The following FAM174A variants were observed in gnomAD, a reference collection of about 807,000 sequenced individuals.
The protein encoded by FAM174A is membrane protein FAM174A.
FAM174A carries 14 observed loss-of-function variants against 14.3 expected under a neutral mutation model. The observed-to-expected ratio is 0.98, with a 90% CI of 0.65 to 1.53. FAM174A has a LOEUF of 1.53. Ranked by LOEUF, FAM174A falls within the 40% of genes most tolerant of loss-of-function variation. FAM174A has a pLI of 0.00. For synonymous variants in FAM174A, 108 were observed against 111.4 expected (o/e 0.97, Z 0.19); for missense variants, 241 against 249.6 (o/e 0.97, Z 0.23).
intron 1 of FAM174A, among the ~76,000 whole-genome samples, chr5:100,555,689 G>A (rs1219294579): frequency 6.6e-6 from 1 of 152,158 alleles, no homozygotes; most frequent in African/African-American, 2.4e-5. Context: ...GTGATGGTGA[G>A]CATTTTTTCA....
chr5:100,558,293 G>T (rs1318261131), intron 1 of FAM174A, among the ~76,000 whole-genome samples: 3 of 152,264 alleles, frequency 2.0e-5, no homozygotes, highest in South Asian at 4.1e-4. Flanking sequence ...TTGCACTGTG[G>T]TCTGAGATAC....
intron 2 of FAM174A, among the ~76,000 whole-genome samples, chr5:100,576,105 A>T (rs1206272878): frequency 6.6e-6 from 1 of 152,162 alleles, no homozygotes; most frequent in Non-Finnish European, 1.5e-5. Context: ...GTGTTTTTTA[A>T]TGTGGCCTTA....
intron 1 of FAM174A, among the ~76,000 whole-genome samples, chr5:100,545,845 T>C (rs1397889458): frequency 6.6e-6 from 1 of 152,212 alleles, no homozygotes; most frequent in African/African-American, 2.4e-5. Flanking sequence ...AATTATAACC[T>C]TGTGTTATCA....
intron 1 of FAM174A, among the ~76,000 whole-genome samples, chr5:100,552,481 AAG>A (rs1017973189): frequency 6.7e-5 from 10 of 150,176 alleles, no homozygotes; most frequent in African/African-American, 2.5e-4. Context: ...TTAAAAAAAA[AAG>A]AAGAAGAGAA....
chr5:100,541,419 T>G (rs1018297166), intron 1 of FAM174A, among the ~76,000 whole-genome samples: 1 of 152,142 alleles, frequency 6.6e-6, no homozygotes, highest in African/African-American at 2.4e-5. Context: ...CATAAATCTT[T>G]TACAAACTTG....
intron 1 of FAM174A, among the ~76,000 whole-genome samples, chr5:100,554,530 T>G (rs775760802): frequency 1.3e-5 from 2 of 151,982 alleles, no homozygotes; most frequent in Non-Finnish European, 2.9e-5. Flanking sequence ...CTGGCCAGGC[T>G]TGTCACAAAC....
intron 1 of FAM174A, among the ~76,000 whole-genome samples, chr5:100,542,070 G>A (rs964493905): frequency 6.6e-6 from 1 of 152,092 alleles, no homozygotes; most frequent in Non-Finnish European, 1.5e-5. Flanking sequence ...AGAATACAAC[G>A]AGATGCATTG....
chr5:100,560,619 G>A (rs1315384316), intron 1 of FAM174A, among the ~76,000 whole-genome samples: 3 of 152,136 alleles, frequency 2.0e-5, no homozygotes, highest in Admixed American at 2.0e-4. Context: ...CATACCTGAT[G>A]CTTAATAAGA....
At chr5:100,542,834 T>TTATA (rs112675245) in intron 1 of FAM174A, among the ~76,000 whole-genome samples, 11 of 150,712 alleles carry the variant, frequency 7.3e-5, no homozygotes, top group African/African-American at 2.7e-4. Context: ...CTTATTATAT[T>TTATA]TATATATATA....
At chr5:100,541,814 T>G (rs957368517) in intron 1 of FAM174A, among the ~76,000 whole-genome samples, 1 of 152,162 alleles carries the variant, frequency 6.6e-6, no homozygotes, top group African/African-American at 2.4e-5. Flanking sequence ...ATAAGCACAT[T>G]GTCTCAGTTT....
chr5:100,535,490 G>T lies in FAM174A; in HGVS notation c.-41G>T, dbSNP rs768445934. On this transcript the variant is annotated 5_prime_UTR_variant, in exon 1 of 3. Coordinates refer to ENST00000312637, the MANE Select transcript of FAM174A (RefSeq NM_198507.3). ...GTCCCTCTTGGAGCCAGCGTGGCGGGCCTGGCGGCTCCCGGGTGGTGAGAG... is the reference window on the plus strand; with the variant it reads ...GTCCCTCTTGGAGCCAGCGTGGCGGTCCTGGCGGCTCCCGGGTGGTGAGAG... 2.2e-5 allele frequency: 35 copies of T among 1,602,228 alleles called. No homozygotes were observed. Among genetic ancestry groups the T allele is most frequent in the Non-Finnish European group, 2.9e-5 (34 of 1,173,696 alleles).
intron 1 of FAM174A, among the ~76,000 whole-genome samples, chr5:100,548,964 T>C (rs1209428246): frequency 1.3e-5 from 2 of 152,126 alleles, no homozygotes; most frequent in East Asian, 3.8e-4. Context: ...CAAATATTGT[T>C]ATGTATTATA....
chr5:100,535,782 C>T lies in FAM174A; in HGVS notation c.252C>T (p.Gly84=). The T allele has an allele frequency of 6.2e-7, 1 of 1,607,188 alleles. No individual in the cohort carries two copies. Among genetic ancestry groups the T allele is most frequent in the Non-Finnish European group, 8.5e-7 (1 of 1,179,032 alleles). The change falls in exon 1 of 3, where the codon GGC becomes GGT. Residue 84 remains glycine (G), a synonymous_variant. Transcript: ENST00000312637. ...AGPRGSEGGN[G]SNPVAGLETD... ...CGCGGGGCTCCGAGGGAGGCAATGG[C>T]AGCAACCCTGTGGCCGGGCTTGAGA...
chr5:100,580,113 A>G (rs1452316783), intron 2 of FAM174A, among the ~76,000 whole-genome samples: 2 of 152,222 alleles, frequency 1.3e-5, no homozygotes, highest in Non-Finnish European at 2.9e-5. Context: ...AAAAATGCAT[A>G]TAATTCACTC....
chr5:100,570,839 G>A (rs1255230059), intron 2 of FAM174A, among the ~76,000 whole-genome samples: 5 of 151,842 alleles, frequency 3.3e-5, no homozygotes, highest in Admixed American at 6.6e-5. Flanking sequence ...TTTTGATATT[G>A]CTTGTTAGCA....
At chr5:100,561,316 G>T (rs929426203) in intron 1 of FAM174A, among the ~76,000 whole-genome samples, 4 of 151,826 alleles carry the variant, frequency 2.6e-5, no homozygotes, top group Non-Finnish European at 4.4e-5. Context: ...TAAAAGACAG[G>T]TTTCTGGGCC....
chr5:100,539,091 A>T (rs1746000781), intron 1 of FAM174A, among the ~76,000 whole-genome samples: 2 of 152,088 alleles, frequency 1.3e-5, no homozygotes, highest in South Asian at 4.1e-4. Flanking sequence ...TTTTAAAAAA[A>T]ATCTCTATGC....
At chr5:100,565,950 AACCATCAGATTTCATGAGACTT>A (rs1366727229) in intron 2 of FAM174A, among the ~76,000 whole-genome samples, 12 of 151,144 alleles carry the variant, frequency 7.9e-5, no homozygotes, top group African/African-American at 2.4e-4. Context: ...CCCTTTATAA[AACCATCAGATTTCATGAGACTT>A]ATTCAATATC....
At chr5:100,581,493 C>A in intron 2 of FAM174A, 2 of 584,966 alleles carry the variant, frequency 3.4e-6, no homozygotes, top group Non-Finnish European at 4.3e-6. Context: ...TGGCTCATGC[C>A]TGTGATCCCA....
Sources: gnomAD v4.1 joint callset for allele counts (sites outside exome capture counted in the v4.1 genomes callset) on GRCh38, gnomAD v4.1.1 for gene constraint, MANE v1.5 for transcripts, NCBI Gene and HGNC (gene_info 2026-07-23, HGNC 2026-07-21) for gene names.